TNR: variants seen among roughly 807,000 people sequenced by gnomAD.
The protein encoded by TNR is tenascin-R.
In TNR, 45 loss-of-function variants were observed where a neutral mutation model predicts 150.4. The observed-to-expected ratio is 0.30, with a 90% CI of 0.24 to 0.38. TNR has a LOEUF of 0.38. TNR is among the 10% of genes least tolerant of loss of function. TNR has a pLI of 1.00. For synonymous variants in TNR, 687 were observed against 678.4 expected (o/e 1.01, Z -0.20); for missense variants, 1,544 against 1,759.1 (o/e 0.88, Z 2.19).
chr1:175,510,130 G>T (rs764615615), intron 2 of TNR, among the ~76,000 whole-genome samples: 17 of 152,172 alleles, frequency 1.1e-4, no homozygotes, highest in Non-Finnish European at 2.2e-4. Context: ...TCAGGAGGCT[G>T]AGGTGGGAGG....
At chr1:175,406,158 C>T in intron 3 of TNR, 58 bp downstream of exon 3, 1 of 1,567,006 alleles carries the variant, frequency 6.4e-7, no homozygotes. Flanking sequence ...CACTCTCCCT[C>T]TCTGCTCAGC....
At chr1:175,431,730 G>T (rs188999742) in intron 2 of TNR, among the ~76,000 whole-genome samples, 1 of 151,746 alleles carries the variant, frequency 6.6e-6, no homozygotes, top group Non-Finnish European at 1.5e-5. Flanking sequence ...TAGTGGTCAT[G>T]GTGGTAGTCT....
At chr1:175,639,690 C>A (rs1664593944) in intron 1 of TNR, among the ~76,000 whole-genome samples, 1 of 152,154 alleles carries the variant, frequency 6.6e-6, no homozygotes, top group South Asian at 2.1e-4. Flanking sequence ...CTTTCATGAC[C>A]TCATCCTGGC....
chr1:175,358,102 C>T (rs1651414346), intron 15 of TNR, among the ~76,000 whole-genome samples: 1 of 152,020 alleles, frequency 6.6e-6, no homozygotes, highest in Non-Finnish European at 1.5e-5. Context: ...TGCATGGAGG[C>T]TTGAGAAAGC....
rs1234542509 is a variant in TNR, at chr1:175,315,985, G to A, written c.*7372C>T. ...ACTTAGTTGGCCGACATTTTTGCAG[G>A]AATTGAAGTGTCTATTGCATCTAAT... On this transcript the variant is annotated 3_prime_UTR_variant, in exon 23 of 23. Transcript: ENST00000367674. The A allele has an allele frequency of 6.6e-6, 1 of 152,208 alleles. No individual in the cohort carries two copies. The highest frequency in any genetic ancestry group is 1.5e-5 in the Non-Finnish European group (1 of 68,048). The allele number at this position is 152,208 out of a possible 1,614,324, so 9.4% of individuals were successfully genotyped here. A position where few individuals can be genotyped will look rare whatever the true frequency, so the allele number is the denominator to read the frequency against.
chr1:175,726,623 A>G (rs985656444), intron 1 of TNR, among the ~76,000 whole-genome samples: 39 of 152,368 alleles, frequency 2.6e-4, no homozygotes, highest in Admixed American at 8.5e-4. Context: ...CATCTTTTTC[A>G]TTGGTTGTAG....
intron 2 of TNR, among the ~76,000 whole-genome samples, chr1:175,442,561 C>T (rs1655842275): frequency 2.0e-5 from 3 of 151,612 alleles, no homozygotes; most frequent in South Asian, 4.2e-4. Context: ...CATTTGGAAG[C>T]CCCAAACCAT....
chr1:175,571,239 T>C (rs1176695223), intron 1 of TNR, among the ~76,000 whole-genome samples: 1 of 152,248 alleles, frequency 6.6e-6, no homozygotes, highest in African/African-American at 2.4e-5. Context: ...TATCACTCTC[T>C]GACCACCTCT....
At chr1:175,375,470 G>T (rs534970843) in intron 9 of TNR, among the ~76,000 whole-genome samples, 45 of 142,780 alleles carry the variant, frequency 3.2e-4, no homozygotes, top group African/African-American at 1.1e-3. Flanking sequence ...TGCCTACAGA[G>T]AATAATGGGG....
chr1:175,669,254 CCTT>C (rs1175553668), intron 1 of TNR, among the ~76,000 whole-genome samples: 3 of 152,346 alleles, frequency 2.0e-5, no homozygotes, highest in Admixed American at 6.5e-5. Flanking sequence ...GCTGGAACTC[CCTT>C]CTTCTCTGCA....
At chr1:175,699,536 T>C (rs1305938902) in intron 1 of TNR, among the ~76,000 whole-genome samples, 3 of 152,012 alleles carry the variant, frequency 2.0e-5, no homozygotes, top group Non-Finnish European at 4.4e-5. Context: ...GGGGAGATGA[T>C]AATAATCAGT....
intron 1 of TNR, among the ~76,000 whole-genome samples, chr1:175,547,633 GAAAGAGAA>G (rs1162207881): frequency 3.5e-5 from 3 of 85,586 alleles, no homozygotes; most frequent in African/African-American, 1.2e-4. Flanking sequence ...AAGAAAGAAA[GAAAGAGAA>G]AGAAAGAAAG....
At chr1:175,455,188 C>T (rs904270874) in intron 2 of TNR, among the ~76,000 whole-genome samples, 3 of 152,184 alleles carry the variant, frequency 2.0e-5, no homozygotes, top group Admixed American at 6.5e-5. Context: ...CCCAAGAGCC[C>T]GAGCCTCCGG....
At chr1:175,514,552 G>A (rs1410473954) in intron 2 of TNR, among the ~76,000 whole-genome samples, 2 of 152,186 alleles carry the variant, frequency 1.3e-5, no homozygotes, top group Non-Finnish European at 2.9e-5. Flanking sequence ...TATTCAACCA[G>A]GGAACCATGG....
Position 175,402,761 on chromosome 1 carries a change from C to T in TNR, c.976+379G>A, listed in dbSNP as rs771245585. On this transcript the variant is annotated intron_variant, in intron 4 of 22. Coordinates refer to ENST00000367674, the MANE Select transcript of TNR (RefSeq NM_003285.3). ...GGGAGACAATTTTGAGCAGGTGGAA[C>T]GCTTGGGATCCCTCAGAGTTAGAGA... Among the ~76,000 whole-genome samples the T allele has an allele frequency of 9.2e-5, 14 of 152,090 alleles. 1 individual carries two copies. The highest frequency in any genetic ancestry group is 1.9e-4 in the East Asian group (1 of 5,186).
chr1:175,436,672 G>A (rs1236405670), intron 2 of TNR, among the ~76,000 whole-genome samples: 7 of 152,120 alleles, frequency 4.6e-5, no homozygotes, highest in Non-Finnish European at 7.4e-5. Context: ...CTCAAATAAA[G>A]GGATGGAGGA....
chr1:175,527,832 G>A (rs1659906385), intron 2 of TNR, among the ~76,000 whole-genome samples: 2 of 152,224 alleles, frequency 1.3e-5, no homozygotes, highest in African/African-American at 4.8e-5. Flanking sequence ...TATGGATAGA[G>A]ATAAAGAGAT....
chr1:175,325,848 T>A (rs1649354013), intron 21 of TNR, among the ~76,000 whole-genome samples: 1 of 146,890 alleles, frequency 6.8e-6, no homozygotes, highest in Admixed American at 6.8e-5. Flanking sequence ...GTGGGGAACA[T>A]CACACACCAG....
intron 2 of TNR, among the ~76,000 whole-genome samples, chr1:175,417,011 A>AAAAGGAAAGAAAGAAAG (rs1654498046): frequency 1.1e-5 from 1 of 90,848 alleles, no homozygotes; most frequent in Non-Finnish European, 2.2e-5. Context: ...CCATCTCAAA[A>AAAAGGAAAGAAAGAAAG]AAAGAAAGAA....
Sources: gnomAD v4.1 joint callset for allele counts (sites outside exome capture counted in the v4.1 genomes callset) on GRCh38, gnomAD v4.1.1 for gene constraint, MANE v1.5 for transcripts, NCBI Gene and HGNC (gene_info 2026-07-23, HGNC 2026-07-21) for gene names.